The following DDB1 variants were observed in gnomAD, a reference collection of about 807,000 sequenced individuals.
DDB1 encodes the protein DNA damage-binding protein 1.
In DDB1, 18 loss-of-function variants were observed where a neutral mutation model predicts 133.1. The observed-to-expected ratio is 0.14, with a 90% CI of 0.09 to 0.20. The LOEUF is 0.20. Ranked by LOEUF, DDB1 falls within the 10% of genes least tolerant of loss-of-function variation. The pLI, the probability that DDB1 is intolerant of heterozygous loss-of-function variation, is 1.00. For missense variants in DDB1, 828 were observed against 1,459.2 expected, an observed-to-expected ratio of 0.57 and a Z score of 7.05; for synonymous variants, 580 against 550.5, an observed-to-expected ratio of 1.05 and a Z score of -0.75.
At chr11:61,304,983 C>A (rs1270924251) in intron 21 of DDB1, among the ~76,000 whole-genome samples, 2 of 152,124 alleles carry the variant, frequency 1.3e-5, no homozygotes, top group African/African-American at 2.4e-5. Context: ...GCTTTATCAT[C>A]AGTAGACAAA....
chr11:61,322,114 A>C (rs138791517), intron 9 of DDB1, 182 bp downstream of exon 9: 4 of 636,252 alleles, frequency 6.3e-6, no homozygotes, highest in Non-Finnish European at 2.8e-6. Flanking sequence ...TAATGTATAT[A>C]AAGTGCCTGG....
intron 24 of DDB1, 105 bp from the exon 25 acceptor site, chr11:61,302,464 G>A: frequency 6.4e-7 from 1 of 1,566,970 alleles, no homozygotes; most frequent in Admixed American, 1.7e-5. Flanking sequence ...GGGCTAATGT[G>A]CTGCAGCCTC....
rs1855761095 is a variant in DDB1, at chr11:61,299,771, TGA to T, written c.*363_*364del. 3.2e-6 allele frequency: 1 copy of T among 313,606 alleles called. No homozygotes were observed. Among genetic ancestry groups the T allele is most frequent in the African/African-American group, 2.1e-5 (1 of 46,630 alleles). 19.4% of individuals were successfully genotyped at this position (313,606 alleles called of 1,614,324 possible). ...ATAAAAAGAGGACAATGCATGAGTGTGAGATACACATACACACACACACATAC... is the reference window on the plus strand; with the variant it reads ...ATAAAAAGAGGACAATGCATGAGTGTGATACACATACACACACACACATAC... On this transcript the variant is annotated 3_prime_UTR_variant, in exon 27 of 27. Coordinates refer to ENST00000301764, the MANE Select transcript of DDB1 (RefSeq NM_001923.5).
chr11:61,305,052 G>A (rs564745834), intron 21 of DDB1, among the ~76,000 whole-genome samples: 1 of 152,198 alleles, frequency 6.6e-6, no homozygotes, highest in Non-Finnish European at 1.5e-5. Context: ...CATCTGAACT[G>A]ACAAGCCTCC....
At chr11:61,310,716 A>C in intron 18 of DDB1, 4 of 222,944 alleles carry the variant, frequency 1.8e-5, no homozygotes, top group Non-Finnish European at 3.5e-5. Flanking sequence ...ACTACCCTCA[A>C]TGGGAAGAGG....
At chr11:61,308,232 C>T (rs892878211) in intron 21 of DDB1, among the ~76,000 whole-genome samples, 1 of 152,140 alleles carries the variant, frequency 6.6e-6, no homozygotes, top group African/African-American at 2.4e-5. Flanking sequence ...ACACCAGGCC[C>T]GCCCACTCTC....
intron 12 of DDB1, 81 bp from the exon 13 acceptor site, chr11:61,314,567 C>T: frequency 7.3e-7 from 1 of 1,365,832 alleles, no homozygotes; most frequent in Non-Finnish European, 9.9e-7. Flanking sequence ...AAATGCAGCC[C>T]TAATAGAGCC....
At position 61,327,052 on chromosome 11, in the gene DDB1, A is replaced by T. The variant is rs116300785; in HGVS notation, c.550-159T>A. 1.7e-4 allele frequency: 106 copies of T among 622,516 alleles called. No homozygotes were observed. The African/African-American group carries it at 1.9e-3, about 11-fold the overall frequency. The allele number at this position is 622,516 out of a possible 1,614,324, so 38.6% of individuals were successfully genotyped here. On this transcript the variant is annotated intron_variant, in intron 4 of 26. Transcript: ENST00000301764. The stretch of plus-strand genomic sequence containing the variant: ...TCACTATACTGACAAGCACTAGCTG[A>T]GCCTGGGATGAATTCCTAGGTAGAC...
intron 10 of DDB1, among the ~76,000 whole-genome samples, chr11:61,316,978 T>TATATATATATAG (rs1856093314): frequency 1.5e-5 from 1 of 65,744 alleles, no homozygotes; most frequent in Non-Finnish European, 3.7e-5. Context: ...TATATATATA[T>TATATATATATAG]ATATATATAT....
chr11:61,325,519 G>T, intron 6 of DDB1, 92 bp downstream of exon 6: 1 of 1,055,234 alleles, frequency 9.5e-7, no homozygotes. Flanking sequence ...AGGCATCTGT[G>T]AATCTCCTTT....
intron 10 of DDB1, among the ~76,000 whole-genome samples, chr11:61,319,754 C>T (rs1439604376): frequency 6.6e-6 from 1 of 152,132 alleles, no homozygotes; most frequent in Non-Finnish European, 1.5e-5. Flanking sequence ...TTAAAGTTTT[C>T]CTGGTTATGC....
intron 1 of DDB1, chr11:61,332,169 CA>C: frequency 1.3e-5 from 2 of 159,986 alleles, no homozygotes; most frequent in Non-Finnish European, 2.8e-5. Flanking sequence ...GCCCTCCTGG[CA>C]GTCTACCAAT....
chr11:61,304,681 T>C (rs967820315), intron 21 of DDB1, among the ~76,000 whole-genome samples: 4 of 151,842 alleles, frequency 2.6e-5, no homozygotes, highest in African/African-American at 9.7e-5. Context: ...GAGACCATCC[T>C]GGCTAACACG....
intron 16 of DDB1, 82 bp downstream of exon 16, chr11:61,313,417 A>T: frequency 7.8e-7 from 1 of 1,275,838 alleles, no homozygotes; most frequent in Non-Finnish European, 1.1e-6. Context: ...CACCGGAAAA[A>T]GGCTTTGAGG....
chr11:61,326,951 G>C (rs1011116574), intron 4 of DDB1, 58 bp from the exon 5 acceptor site: 2 of 1,324,576 alleles, frequency 1.5e-6, no homozygotes, highest in Non-Finnish European at 1.1e-6. Context: ...GGGCTAGAGA[G>C]AGGTGCTGTA....
At chr11:61,323,875 G>C in intron 7 of DDB1, 104 bp downstream of exon 7, 1 of 1,284,128 alleles carries the variant, frequency 7.8e-7, no homozygotes, top group Non-Finnish European at 1.1e-6. Context: ...TTGTTGTTAG[G>C]TGTTAAGTAA....
intron 10 of DDB1, among the ~76,000 whole-genome samples, chr11:61,319,472 G>A (rs370351710): frequency 2.7e-5 from 4 of 150,420 alleles, no homozygotes; most frequent in African/African-American, 9.8e-5. Context: ...TTGCTGTGAC[G>A]CCAGGCTGGA....
intron 5 of DDB1, 177 bp from the exon 6 acceptor site, chr11:61,325,885 C>A (rs7123049): frequency 0.025 from 17,310 of 682,912 alleles, 1,462 homozygotes; most frequent in African/African-American, 0.21. Context: ...AATTTGTTAA[C>A]TGGCCATTAT....
chr11:61,316,757 G>A (rs890225973), intron 10 of DDB1, among the ~76,000 whole-genome samples, 190 bp from the exon 11 acceptor site: 1 of 150,774 alleles, frequency 6.6e-6, no homozygotes, highest in Non-Finnish European at 1.5e-5. Flanking sequence ...CCTTGTCCCT[G>A]CTAAAAATAC....
Sources: gnomAD v4.1 joint callset for allele counts (sites outside exome capture counted in the v4.1 genomes callset) on GRCh38, gnomAD v4.1.1 for gene constraint, MANE v1.5 for transcripts, NCBI Gene and HGNC (gene_info 2026-07-23, HGNC 2026-07-21) for gene names.